Variants in NECAP1 observed in about 807,000 individuals in gnomAD.
The protein encoded by NECAP1 is NECAP endocytosis associated 1.
A neutral mutation model predicts 33.4 loss-of-function variants in NECAP1; 13 were observed. The observed-to-expected ratio is 0.39, with a 90% CI of 0.25 to 0.62. The LOEUF is 0.62. Among genes scored for constraint, NECAP1 ranks in the 20% least tolerant of loss-of-function variants. NECAP1 has a pLI of 0.52. For missense variants in NECAP1, 272 were observed against 347.4 expected, an observed-to-expected ratio of 0.78 and a Z score of 1.73; for synonymous variants, 109 against 125.2, an observed-to-expected ratio of 0.87 and a Z score of 0.86.
At position 8,082,424 on chromosome 12, in the gene NECAP1, G is replaced by C. The variant is rs903394770; in HGVS notation, c.95+41G>C. The C allele has an allele frequency of 3.9e-6, 6 of 1,546,190 alleles. No homozygotes were observed. In the African/African-American group the frequency reaches 8.2e-5, roughly 21 times the overall value. ...CGCTGCCGCACACGCGTACTCTGTCGCAGATGACAGCTTCCTTCTCAGCTA... is the reference window on the plus strand; with the variant it reads ...CGCTGCCGCACACGCGTACTCTGTCCCAGATGACAGCTTCCTTCTCAGCTA... On this transcript the variant is annotated intron_variant, in intron 1 of 7. Coordinates refer to ENST00000339754, the MANE Select transcript of NECAP1 (RefSeq NM_015509.4).
intron 1 of NECAP1, among the ~76,000 whole-genome samples, chr12:8,083,945 T>C (rs1367557220): frequency 6.6e-6 from 1 of 152,020 alleles, no homozygotes; most frequent in East Asian, 1.9e-4. Context: ...TCTTGATATA[T>C]TTCCCAGGCT....
At chr12:8,088,616 G>A (rs776115730) in intron 1 of NECAP1, among the ~76,000 whole-genome samples, 9 of 152,190 alleles carry the variant, frequency 5.9e-5, no homozygotes, top group Non-Finnish European at 1.2e-4. Context: ...GACAGCAGAT[G>A]TAGTAATCTT....
chr12:8,095,776 G>A, intron 7 of NECAP1, 73 bp downstream of exon 7: 1 of 1,430,990 alleles, frequency 7.0e-7, no homozygotes, highest in African/African-American at 1.4e-5. Context: ...TGAAATCTTT[G>A]ATCTGGAGAA....
intron 1 of NECAP1, among the ~76,000 whole-genome samples, chr12:8,084,158 C>T (rs567377387): frequency 6.6e-6 from 1 of 152,148 alleles, no homozygotes; most frequent in South Asian, 2.1e-4. Flanking sequence ...TATTTTGCCC[C>T]TTACTGGCGT....
At chr12:8,083,551 T>G (rs1426737063) in intron 1 of NECAP1, among the ~76,000 whole-genome samples, 2 of 149,028 alleles carry the variant, frequency 1.3e-5, no homozygotes, top group Non-Finnish European at 1.5e-5. Context: ...TGCTTCAGCT[T>G]CCTGAATAGT....
rs1947529263 is a variant in NECAP1, at chr12:8,090,089, TTA to T, written c.196+56_196+57del. On this transcript the variant is annotated intron_variant, in intron 2 of 7. Coordinates refer to ENST00000339754, the MANE Select transcript of NECAP1 (RefSeq NM_015509.4). ...TTAAGAATATTAATTTGGTGTGCTTTTATAAGTACCTTCAATTTGGGGACTGG... is the reference window on the plus strand; with the variant it reads ...TTAAGAATATTAATTTGGTGTGCTTTTAAGTACCTTCAATTTGGGGACTGG... The T allele has an allele frequency of 1.9e-6, 3 of 1,583,012 alleles. No individual in the cohort carries two copies. The East Asian group carries it at 6.7e-5, about 35-fold the overall frequency.
At chr12:8,094,861 C>T (rs1442441660) in intron 6 of NECAP1, 3 of 152,318 alleles carry the variant, frequency 2.0e-5, no homozygotes, top group African/African-American at 7.2e-5. Flanking sequence ...CTGTGTCAAC[C>T]TTACACAACC....
chr12:8,091,914 A>G (rs1947549059), intron 4 of NECAP1, 64 bp downstream of exon 4: 5 of 1,320,344 alleles, frequency 3.8e-6, no homozygotes. Context: ...TCTCACATGA[A>G]TGGGCAGTAT....
intron 1 of NECAP1, chr12:8,082,969 G>C (rs1337185081): frequency 6.5e-6 from 1 of 152,780 alleles, no homozygotes; most frequent in African/African-American, 2.4e-5. Context: ...GTGAGCAAAG[G>C]TTATGATCAT....
rs1417939696 is a variant in NECAP1 at position 8,097,286 on chromosome 12, C to T, written c.*1196C>T. On this transcript the variant is annotated 3_prime_UTR_variant, in exon 8 of 8. Coordinates refer to ENST00000339754, the MANE Select transcript of NECAP1 (RefSeq NM_015509.4). ...CTATTACAATGCTGTGAAAAAAGTT[C>T]TGCTTCTTAGGTGAATGGGTACTTT... is the stretch of plus-strand genomic sequence containing the variant. 1 of 152,608 alleles carries T rather than the reference C, an allele frequency of 6.6e-6. No individual in the cohort carries two copies. Among genetic ancestry groups the T allele is most frequent in the Non-Finnish European group, 1.5e-5 (1 of 68,034 alleles). 9.5% of individuals were successfully genotyped at this position (152,608 alleles called of 1,614,324 possible). A position where few individuals can be genotyped will look rare whatever the true frequency, so the allele number is the denominator to read the frequency against.
In NECAP1 at chr12:8,096,504, G is replaced by C. The variant is rs1947596017; in HGVS notation, c.*414G>C. 1.9e-5 allele frequency: 3 copies of C among 156,610 alleles called. No homozygotes were observed. The highest frequency in any genetic ancestry group is 4.2e-5 in the Non-Finnish European group (3 of 70,784). The allele number at this position is 156,610 out of a possible 1,614,324, so 9.7% of individuals were successfully genotyped here. On this transcript the variant is annotated 3_prime_UTR_variant, in exon 8 of 8. Transcript: ENST00000339754. ...TGAAGCCCTATTTAGCAATTTCAGG[G>C]GAGTCAAAAACCTTGCAACTTCCTT... is the stretch of plus-strand genomic sequence containing the variant.
rs1283112477 is a variant in NECAP1, at chr12:8,092,936, T to C, written c.557T>C (p.Leu186Ser). 2 of 1,602,230 alleles carry C rather than the reference T, an allele frequency of 1.2e-6. No homozygotes were observed. The highest frequency in any genetic ancestry group is 1.7e-6 in the Non-Finnish European group (2 of 1,174,524). ...ACTGCAAGGGGTGGGGGTCTGAGCT[T>C]ACTCCCACCCCCGCCAGGAGGCAAA... ...PRTARGGGLS[L>S]LPPPPGGKVT... is the part of the protein sequence containing the mutation. The change falls in exon 6 of 8, where the codon TTA (leucine) becomes TCA (serine). Residue 186 changes from leucine (L) to serine (S), a missense_variant. Leu to Ser is a moderately radical substitution (Grantham distance 145). Coordinates refer to ENST00000339754, the MANE Select transcript of NECAP1 (RefSeq NM_015509.4).
At chr12:8,083,532 C>T (rs185175167) in intron 1 of NECAP1, among the ~76,000 whole-genome samples, 235 of 141,628 alleles carry the variant, frequency 1.7e-3, no homozygotes, top group African/African-American at 5.6e-3. Context: ...TGGGTTCAAG[C>T]GATTCTCCTG....
chr12:8,096,848 C>CT lies in NECAP1; in HGVS notation c.*761dup, dbSNP rs1947599653. The CT allele has an allele frequency of 6.6e-6, 1 of 152,642 alleles. No individual in the cohort carries two copies. Among genetic ancestry groups the CT allele is most frequent in the Non-Finnish European group, 1.5e-5 (1 of 68,070 alleles). The allele number at this position is 152,642 out of a possible 1,614,324, so 9.5% of individuals were successfully genotyped here. A position where few individuals can be genotyped will look rare whatever the true frequency, so the allele number is the denominator to read the frequency against. On this transcript the variant is annotated 3_prime_UTR_variant, in exon 8 of 8. Transcript: ENST00000339754. The stretch of plus-strand genomic sequence containing the variant: ...AATGAAGGAGGTTCAAGAGGCTGTG[C>CT]TTTCCAAGTGATAGTCTATAGGAGT...
At position 8,092,995 on chromosome 12, in the gene NECAP1, A is replaced by G. The variant is rs746051585; in HGVS notation, c.616A>G (p.Ile206Val). Residue 206 changes from isoleucine to valine, a missense_variant, in exon 6 of 8, where the codon ATC becomes GTC. Transcript: ENST00000339754. The stretch of plus-strand genomic sequence containing the variant: ...TCCCCCACCATCCTCCTCAGTTGCC[A>G]TCAGCAATCATGTCACCCCACCACC... ...TIPPPSSSVA[I>V]SNHVTPPPIP... The G allele has an allele frequency of 1.9e-6, 3 of 1,613,880 alleles. No homozygotes were observed. The highest frequency in any genetic ancestry group is 2.5e-6 in the Non-Finnish European group (3 of 1,179,908).
At chr12:8,091,517 T>C in intron 3 of NECAP1, 1 of 494,962 alleles carries the variant, frequency 2.0e-6, no homozygotes, top group Non-Finnish European at 3.7e-6. Context: ...ATCCCTCACA[T>C]GTGCAGTTCA....
Position 8,091,756 on chromosome 12 carries a change from A to G in NECAP1, c.302-13A>G, listed in dbSNP as rs776765650. ...GGATACTTCCTAGTCGAGTCTTCCT[A>G]CGTTTTCCACAGGGCGCAGTGCTTT... is the stretch of plus-strand genomic sequence containing the variant. On this transcript the variant is annotated splice_polypyrimidine_tract_variant and intron_variant, in intron 3 of 7. Transcript: ENST00000339754. 1.9e-6 allele frequency: 3 copies of G among 1,613,398 alleles called. No homozygotes were observed. The African/African-American group carries it at 4.0e-5, about 22-fold the overall frequency.
At chr12:8,083,530 A>G (rs1947462053) in intron 1 of NECAP1, among the ~76,000 whole-genome samples, 1 of 143,298 alleles carries the variant, frequency 7.0e-6, no homozygotes, top group Admixed American at 7.6e-5. Flanking sequence ...CCTGGGTTCA[A>G]GCGATTCTCC....
Position 8,095,714 on chromosome 12 carries a change from T to C in NECAP1, c.779+11T>C. 6.3e-7 allele frequency: 1 copy of C among 1,585,764 alleles called. No homozygotes were observed. Among genetic ancestry groups the C allele is most frequent in the Non-Finnish European group, 8.7e-7 (1 of 1,154,468 alleles). On this transcript the variant is annotated intron_variant, in intron 7 of 7. Coordinates refer to ENST00000339754, the MANE Select transcript of NECAP1 (RefSeq NM_015509.4). ...CAGCACTGCCTCCAGGTAATGGGCATAGTGAAACTAGCATACTCTCAATCA... is the reference window on the plus strand; with the variant it reads ...CAGCACTGCCTCCAGGTAATGGGCACAGTGAAACTAGCATACTCTCAATCA...
Sources: gnomAD v4.1 joint callset for allele counts (sites outside exome capture counted in the v4.1 genomes callset) on GRCh38, gnomAD v4.1.1 for gene constraint, MANE v1.5 for transcripts, NCBI Gene and HGNC (gene_info 2026-07-23, HGNC 2026-07-21) for gene names.